Variants in MTPN observed in about 807,000 individuals in gnomAD.
The protein encoded by MTPN is granule cell differentiation protein.
MTPN carries 2 observed loss-of-function variants against 13.5 expected under a neutral mutation model. That is an observed-to-expected ratio of 0.15 (90% CI 0.06 to 0.47). MTPN has a LOEUF of 0.47. Among genes scored for constraint, MTPN ranks in the 20% least tolerant of loss-of-function variants. The pLI, the probability that MTPN is intolerant of heterozygous loss-of-function variation, is 0.97. For missense variants in MTPN, 79 were observed against 137.9 expected, an observed-to-expected ratio of 0.57 and a Z score of 2.14; for synonymous variants, 46 against 51.7, an observed-to-expected ratio of 0.89 and a Z score of 0.48.
chr7:135,965,615 T>C (rs10261276), intron 1 of MTPN, among the ~76,000 whole-genome samples: 73,566 of 151,844 alleles, frequency 0.48, 18,186 homozygotes, highest in East Asian at 0.6. Context: ...TTAGTGAGAC[T>C]GTATAGTGTT....
At chr7:135,959,132 G>A (rs545530199) in intron 1 of MTPN, among the ~76,000 whole-genome samples, 20 of 152,190 alleles carry the variant, frequency 1.3e-4, no homozygotes, top group African/African-American at 4.3e-4. Context: ...TTAAAAAGTT[G>A]TGAACACACT....
chr7:135,951,760 A>C, intron 1 of MTPN, 130 bp from the exon 2 acceptor site: 1 of 569,328 alleles, frequency 1.8e-6, no homozygotes, highest in Non-Finnish European at 3.0e-6. Flanking sequence ...TTCTTGCAAA[A>C]TAAAATAACC....
intron 1 of MTPN, among the ~76,000 whole-genome samples, chr7:135,955,747 G>C (rs1385684498): frequency 6.6e-6 from 1 of 151,824 alleles, no homozygotes; most frequent in Non-Finnish European, 1.5e-5. Context: ...GTTTATCCCA[G>C]GAATAAGGTT....
chr7:135,943,337 C>T (rs562165181), intron 3 of MTPN, among the ~76,000 whole-genome samples: 19 of 152,310 alleles, frequency 1.2e-4, no homozygotes, highest in Non-Finnish European at 2.2e-4. Flanking sequence ...TTATATCTTA[C>T]ACATTTGATT....
intron 3 of MTPN, among the ~76,000 whole-genome samples, chr7:135,944,976 GAT>G (rs1322349933): frequency 6.6e-6 from 1 of 152,100 alleles, no homozygotes; most frequent in East Asian, 1.9e-4. Context: ...ACACACGTAG[GAT>G]ATATGTTATA....
chr7:135,970,532 A>T (rs1435814649), intron 1 of MTPN, among the ~76,000 whole-genome samples: 1 of 152,212 alleles, frequency 6.6e-6, no homozygotes, highest in Admixed American at 6.5e-5. Context: ...AGGTAGGAAA[A>T]ATAGTCAATG....
intron 2 of MTPN, among the ~76,000 whole-genome samples, chr7:135,951,178 A>G (rs1236608443): frequency 6.6e-6 from 1 of 152,220 alleles, no homozygotes; most frequent in African/African-American, 2.4e-5. Context: ...TTTTAGATTT[A>G]GCCTATGACT....
At position 135,929,674 on chromosome 7, in the gene MTPN, T is replaced by C; in HGVS notation, c.*252A>G. On this transcript the variant is annotated 3_prime_UTR_variant, in exon 4 of 4. Transcript: ENST00000393085. ...TGCTCTCCCTTGGGTATAAGGTGTA[T>C]ATTTTATTAGAAAGGGAAGAGGCTT... 2.0e-6 allele frequency: 1 copy of C among 502,356 alleles called. No homozygotes were observed. The highest frequency in any genetic ancestry group is 2.3e-5 in the South Asian group (1 of 42,896). 31.1% of individuals were successfully genotyped at this position (502,356 alleles called of 1,614,324 possible). A position where few individuals can be genotyped will look rare whatever the true frequency, so the allele number is the denominator to read the frequency against.
In MTPN at chr7:135,927,213, C is replaced by T. The variant is rs2116328826; in HGVS notation, c.*2713G>A. ...AAGATATCAATGAATAAAAGGCCTA[C>T]TTGTTTGCAGCTTCCACACACTGCA... On this transcript the variant is annotated 3_prime_UTR_variant, in exon 4 of 4. Coordinates refer to ENST00000393085, the MANE Select transcript of MTPN (RefSeq NM_145808.4). 2 of 1,231,228 alleles carry T rather than the reference C, an allele frequency of 1.6e-6. No homozygotes were observed. The highest frequency in any genetic ancestry group is 3.9e-4 in the Middle Eastern group (2 of 5,166). 76.3% of individuals were successfully genotyped at this position (1,231,228 alleles called of 1,614,324 possible).
intron 1 of MTPN, among the ~76,000 whole-genome samples, chr7:135,973,524 A>C (rs1799727664): frequency 6.6e-6 from 1 of 152,044 alleles, no homozygotes; most frequent in Non-Finnish European, 1.5e-5. Context: ...GTCTGAACAG[A>C]GCTTATGCAG....
chr7:135,941,325 T>G (rs558738200), intron 3 of MTPN, among the ~76,000 whole-genome samples: 38 of 130,592 alleles, frequency 2.9e-4, no homozygotes, highest in African/African-American at 9.8e-4. Context: ...GCCTTAAATC[T>G]AGGTTTACTA....
chr7:135,966,636 C>T (rs758445265), intron 1 of MTPN, among the ~76,000 whole-genome samples: 6 of 152,236 alleles, frequency 3.9e-5, no homozygotes, highest in South Asian at 2.1e-4. Flanking sequence ...ACAAGTGGCA[C>T]ATAACGACTT....
intron 3 of MTPN, among the ~76,000 whole-genome samples, chr7:135,930,774 G>C (rs530459409): frequency 1.3e-5 from 2 of 152,274 alleles, no homozygotes; most frequent in South Asian, 4.1e-4. Context: ...TGCATGGTAG[G>C]TTAATCTGCT....
At position 135,929,868 on chromosome 7, in the gene MTPN, G is replaced by T; in HGVS notation, c.*58C>A. ...CAGATAGAGAGTGACAGACAGACAG[G>T]CAGCAGTGTGAGGCCACAGGAGAGT... is the stretch of plus-strand genomic sequence containing the variant. On this transcript the variant is annotated 3_prime_UTR_variant, in exon 4 of 4. Coordinates refer to ENST00000393085, the MANE Select transcript of MTPN (RefSeq NM_145808.4). The T allele has an allele frequency of 6.7e-7, 1 of 1,496,312 alleles. No homozygotes were observed. The highest frequency in any genetic ancestry group is 9.3e-7 in the Non-Finnish European group (1 of 1,072,614). The allele number at this position is 1,496,312 out of a possible 1,614,324, so 92.7% of individuals were successfully genotyped here.
Position 135,927,323 on chromosome 7 carries a change from T to G in MTPN, c.*2603A>C. The stretch of plus-strand genomic sequence containing the variant: ...AGAACTACTTGGGATATTCAAGTGC[T>G]GTATTTGAACGATAAGCCTATAGAT... On this transcript the variant is annotated 3_prime_UTR_variant, in exon 4 of 4. Coordinates refer to ENST00000393085, the MANE Select transcript of MTPN (RefSeq NM_145808.4). The G allele has an allele frequency of 6.4e-7, 1 of 1,551,108 alleles. No homozygotes were observed. The highest frequency in any genetic ancestry group is 1.4e-5 in the African/African-American group (1 of 73,156).
chr7:135,927,488 T>G lies in MTPN; in HGVS notation c.*2438A>C. The G allele has an allele frequency of 7.2e-7, 1 of 1,398,172 alleles. No homozygotes were observed. The highest frequency in any genetic ancestry group is 1.3e-5 in the South Asian group (1 of 75,228). 86.6% of individuals were successfully genotyped at this position (1,398,172 alleles called of 1,614,324 possible). A position where few individuals can be genotyped will look rare whatever the true frequency, so the allele number is the denominator to read the frequency against. ...AACATGCAAAATTTTTTCTGAGATG[T>G]TAAGTATTACTTCAGTGGAGAACAA... On this transcript the variant is annotated 3_prime_UTR_variant, in exon 4 of 4. Transcript: ENST00000393085.
intron 3 of MTPN, among the ~76,000 whole-genome samples, chr7:135,934,397 T>TTCTAGATAAGGAG (rs1036677247): frequency 6.6e-6 from 1 of 152,152 alleles, no homozygotes; most frequent in Non-Finnish European, 1.5e-5. Context: ...GCTTCTAGCC[T>TTCTAGATAAGGAG]TCTAGATAAG....
intron 3 of MTPN, among the ~76,000 whole-genome samples, chr7:135,949,514 AAAC>A (rs767116384): frequency 6.6e-6 from 1 of 152,170 alleles, no homozygotes; most frequent in African/African-American, 2.4e-5. Context: ...ACCCAAACCC[AAAC>A]AACAACAAAC....
At chr7:135,947,916 G>T (rs1191252661) in intron 3 of MTPN, among the ~76,000 whole-genome samples, 1 of 152,016 alleles carries the variant, frequency 6.6e-6, no homozygotes, top group Non-Finnish European at 1.5e-5. Context: ...TCCCCTATTA[G>T]TTGTGATCAT....
Sources: gnomAD v4.1 joint callset for allele counts (sites outside exome capture counted in the v4.1 genomes callset) on GRCh38, gnomAD v4.1.1 for gene constraint, MANE v1.5 for transcripts, NCBI Gene and HGNC (gene_info 2026-07-23, HGNC 2026-07-21) for gene names.